GRID2: variants seen among roughly 807,000 people sequenced by gnomAD.
GRID2 encodes the protein glutamate receptor ionotropic, delta-2.
Under a neutral mutation model 114.8 loss-of-function variants are expected in GRID2, and 33 were observed. The observed-to-expected ratio is 0.29, with a 90% CI of 0.22 to 0.38. GRID2 has a LOEUF of 0.38. Among genes scored for constraint, GRID2 ranks in the 10% least tolerant of loss-of-function variants. The probability of loss-of-function intolerance (pLI) is 1.00; values close to 1 mark genes in which losing one functional copy is unlikely to be tolerated. For synonymous variants in GRID2, 505 were observed against 449.9 expected (o/e 1.12, Z -1.55); for missense variants, 1,184 against 1,257.7 (o/e 0.94, Z 0.89).
chr4:93,087,481 A>T (rs1730433524), intron 3 of GRID2, among the ~76,000 whole-genome samples: 1 of 152,138 alleles, frequency 6.6e-6, no homozygotes, highest in African/African-American at 2.4e-5. Flanking sequence ...CATTTTTATT[A>T]CGGGTGAGAT....
chr4:93,632,739 T>A (rs573719092), intron 14 of GRID2, among the ~76,000 whole-genome samples: 22 of 152,292 alleles, frequency 1.4e-4, no homozygotes, highest in Non-Finnish European at 2.4e-4. Flanking sequence ...AGTCGTTTTT[T>A]CCAATTCTGT....
At chr4:93,536,962 G>C (rs566660251) in intron 13 of GRID2, among the ~76,000 whole-genome samples, 1 of 151,490 alleles carries the variant, frequency 6.6e-6, no homozygotes, top group East Asian at 1.9e-4. Flanking sequence ...ACCTCGCATT[G>C]TTAATTTTTG....
rs547425035 is a variant in GRID2, at chr4:92,657,906, G to C, written c.244+67620G>C. Among the ~76,000 whole-genome samples, 463 of 151,306 alleles carry C rather than the reference G, an allele frequency of 3.1e-3. 2 individuals are homozygous for C. Among genetic ancestry groups the C allele is most frequent in the African/African-American group, 0.011 (447 of 41,272 alleles). ...TGGCAAATTGAAATAACATGTAGAT[G>C]TGTATCTTTGTTCAGACATGTGAAA... On this transcript the variant is annotated intron_variant, in intron 2 of 15. Transcript: ENST00000282020.
At chr4:93,205,782 A>G (rs560797309) in intron 4 of GRID2, among the ~76,000 whole-genome samples, 26 of 152,110 alleles carry the variant, frequency 1.7e-4, no homozygotes, top group South Asian at 6.3e-4. Context: ...CAACAGTGTA[A>G]AAGTGTTCCT....
At chr4:92,914,013 G>T (rs1029967738) in intron 2 of GRID2, among the ~76,000 whole-genome samples, 1 of 152,042 alleles carries the variant, frequency 6.6e-6, no homozygotes, top group Non-Finnish European at 1.5e-5. Flanking sequence ...AGCAGAAATG[G>T]TTTGGTCCAA....
chr4:93,332,905 T>C (rs1758646356), intron 8 of GRID2, among the ~76,000 whole-genome samples: 1 of 152,152 alleles, frequency 6.6e-6, no homozygotes, highest in South Asian at 2.1e-4. Flanking sequence ...AACAGTCCCT[T>C]TTTGATGTGC....
At chr4:92,329,409 A>G (rs1311087948) in intron 1 of GRID2, among the ~76,000 whole-genome samples, 2 of 152,040 alleles carry the variant, frequency 1.3e-5, no homozygotes, top group African/African-American at 2.4e-5. Flanking sequence ...CATGAACTCA[A>G]TTCAATCATA....
intron 14 of GRID2, among the ~76,000 whole-genome samples, chr4:93,766,332 C>G (rs1435711358): frequency 2.0e-5 from 3 of 152,160 alleles, no homozygotes; most frequent in Non-Finnish European, 4.4e-5. Flanking sequence ...TGGAAGGCAC[C>G]TCTTCACAAG....
chr4:92,694,480 G>A (rs1386009595), intron 2 of GRID2, among the ~76,000 whole-genome samples: 1 of 152,116 alleles, frequency 6.6e-6, no homozygotes, highest in Non-Finnish European at 1.5e-5. Context: ...GACCCTGGTG[G>A]GCTGCCTCTC....
At position 93,343,366 on chromosome 4, in the gene GRID2, C is replaced by G. The variant is rs1175320842; in HGVS notation, c.1246-52241C>G. Reference sequence around the variant, plus strand: ...ATGGGGCATAGTGTCATAGTAGTTGCATACGTTTTGTAAGAAATTTCAAGT... The same window carrying G: ...ATGGGGCATAGTGTCATAGTAGTTGGATACGTTTTGTAAGAAATTTCAAGT... On this transcript the variant is annotated intron_variant, in intron 8 of 15. Transcript: ENST00000282020. 2.0e-5 allele frequency among the ~76,000 whole-genome samples: 3 copies of G among 151,960 alleles called. 1 individual carries two copies. The South Asian group carries it at 6.2e-4, about 31-fold the overall frequency.
At chr4:92,855,099 A>C (rs1327839971) in intron 2 of GRID2, among the ~76,000 whole-genome samples, 1 of 152,068 alleles carries the variant, frequency 6.6e-6, no homozygotes, top group Non-Finnish European at 1.5e-5. Flanking sequence ...ATACAGAATT[A>C]ATTGTAAGCC....
chr4:93,651,414 A>T (rs886718470), intron 14 of GRID2, among the ~76,000 whole-genome samples: 2 of 152,180 alleles, frequency 1.3e-5, no homozygotes, highest in African/African-American at 4.8e-5. Context: ...CATATACTGT[A>T]CACAGCTGAT....
At chr4:92,884,901 A>C in intron 2 of GRID2, 1 of 382,030 alleles carries the variant, frequency 2.6e-6, no homozygotes, top group Non-Finnish European at 5.3e-6. Flanking sequence ...GGTACTATCA[A>C]TGTAGATGAT....
At chr4:93,000,424 C>G (rs1009562685) in intron 2 of GRID2, among the ~76,000 whole-genome samples, 1 of 151,410 alleles carries the variant, frequency 6.6e-6, no homozygotes, top group African/African-American at 2.4e-5. Flanking sequence ...TTTGTTGTTG[C>G]TGCCCTCTTG....
At chr4:93,314,353 A>T (rs1419744193) in intron 8 of GRID2, among the ~76,000 whole-genome samples, 1 of 151,394 alleles carries the variant, frequency 6.6e-6, no homozygotes, top group Non-Finnish European at 1.5e-5. Context: ...AATGAAAAAA[A>T]CACATTCTTC....
chr4:92,607,065 C>T (rs1368880145), intron 2 of GRID2, among the ~76,000 whole-genome samples: 2 of 151,982 alleles, frequency 1.3e-5, no homozygotes. Context: ...TGCCAATACA[C>T]AGCATAGTTG....
intron 8 of GRID2, among the ~76,000 whole-genome samples, chr4:93,304,398 C>A (rs1755197903): frequency 6.6e-6 from 1 of 151,596 alleles, no homozygotes. Context: ...CAAGACAACA[C>A]CACAAATATA....
At chr4:93,651,241 G>T (rs1425736530) in intron 14 of GRID2, among the ~76,000 whole-genome samples, 2 of 152,112 alleles carry the variant, frequency 1.3e-5, no homozygotes, top group African/African-American at 4.8e-5. Flanking sequence ...GTTTCCTAGG[G>T]GTTAGACTGT....
chr4:92,537,245 T>C (rs1217506541), intron 1 of GRID2, among the ~76,000 whole-genome samples: 1 of 152,216 alleles, frequency 6.6e-6, no homozygotes, highest in Non-Finnish European at 1.5e-5. Flanking sequence ...TTATTCTAAG[T>C]TGTTGTATAT....
Sources: gnomAD v4.1 joint callset for allele counts (sites outside exome capture counted in the v4.1 genomes callset) on GRCh38, gnomAD v4.1.1 for gene constraint, MANE v1.5 for transcripts, NCBI Gene and HGNC (gene_info 2026-07-23, HGNC 2026-07-21) for gene names.